UBE2V1: variants seen among roughly 807,000 people sequenced by gnomAD.
UBE2V1 encodes the protein ubiquitin-conjugating enzyme E2 variant 1.
A neutral mutation model predicts 19.6 loss-of-function variants in UBE2V1; 15 were observed. That is an observed-to-expected ratio of 0.77 (90% CI 0.51 to 1.18). The LOEUF is 1.18. UBE2V1 is among the 50% of genes most tolerant of loss of function. The pLI is 0.00. For missense variants in UBE2V1, 125 were observed against 184.8 expected, an observed-to-expected ratio of 0.68 and a Z score of 1.88; for synonymous variants, 60 against 60.7, an observed-to-expected ratio of 0.99 and a Z score of 0.05.
intron 2 of UBE2V1, among the ~76,000 whole-genome samples, chr20:50,090,473 C>CA (rs34134046): frequency 0.42 from 40,122 of 96,270 alleles, 6,293 homozygotes; most frequent in African/African-American, 0.52. Context: ...GACTCTGTCT[C>CA]AAAAAAAAAA....
rs1600935176 is a variant in UBE2V1, at chr20:50,082,869, A to G, written c.343T>C (p.Tyr115His). Residue 115 changes from tyrosine (Y) to histidine (H), a missense_variant, in exon 4 of 4, where the codon TAT becomes CAT. Coordinates refer to ENST00000371674, the MANE Select transcript of UBE2V1 (RefSeq NM_001032288.3). ...ISVLAKWQNS[Y>H]SIKVVLQELR... ...TCTTGCAGGACAACTTTGATGCTATATGAATTCTGCCATTTTGCTAGCACT... is the reference window on the plus strand; with the variant it reads ...TCTTGCAGGACAACTTTGATGCTATGTGAATTCTGCCATTTTGCTAGCACT... 3 of 1,612,388 alleles carry G rather than the reference A, an allele frequency of 1.9e-6. No individual in the cohort carries two copies. The highest frequency in any genetic ancestry group is 2.2e-5 in the East Asian group (1 of 44,888).
intron 2 of UBE2V1, chr20:50,084,891 CTTTTTTTTTTTTT>C (rs200222788): frequency 0.27 from 30,140 of 109,982 alleles, 3,330 homozygotes; most frequent in Middle Eastern, 0.5. Flanking sequence ...GAAAAGCAGT[CTTTTTTTTTTTTT>C]TTTTTTTTTG....
intron 1 of UBE2V1, among the ~76,000 whole-genome samples, chr20:50,106,883 A>AAAAAC (rs1569017345): frequency 5.3e-5 from 8 of 149,904 alleles, no homozygotes; most frequent in African/African-American, 2.0e-4. Flanking sequence ...ACAAAAAAAA[A>AAAAAC]AAAACAAAAA....
chr20:50,088,224 G>A (rs758764031), intron 2 of UBE2V1, among the ~76,000 whole-genome samples: 1 of 151,902 alleles, frequency 6.6e-6, no homozygotes, highest in Non-Finnish European at 1.5e-5. Flanking sequence ...TCATTGCCAC[G>A]AGGAGCCAGA....
chr20:50,083,974 C>A, intron 3 of UBE2V1, 155 bp downstream of exon 3: 1 of 1,203,322 alleles, frequency 8.3e-7, no homozygotes, highest in Non-Finnish European at 1.1e-6. Context: ...GGGAAACAGG[C>A]CCCATCCCAA....
intron 2 of UBE2V1, 131 bp from the exon 3 acceptor site, chr20:50,084,385 C>G: frequency 6.5e-7 from 1 of 1,550,134 alleles, no homozygotes; most frequent in South Asian, 1.1e-5. Flanking sequence ...TCTACTTGTT[C>G]TGTGGTAGGT....
In UBE2V1 at chr20:50,110,882, C is replaced by T. The variant is rs1452618122; in HGVS notation, c.22+2225G>A. Among the ~76,000 whole-genome samples, 4 of 152,212 alleles carry T rather than the reference C, an allele frequency of 2.6e-5. No individual in the cohort carries two copies. The East Asian group carries it at 7.7e-4, about 29-fold the overall frequency. ...TTTGCACTAACAGCCCACTCTCTCT[C>T]CTGCCTGTGACACTGTAGGGTTAGC... On this transcript the variant is annotated intron_variant, in intron 1 of 3. Transcript: ENST00000371674.
At chr20:50,084,989 C>T (rs1296146163) in intron 2 of UBE2V1, among the ~76,000 whole-genome samples, 6 of 151,400 alleles carry the variant, frequency 4.0e-5, no homozygotes, top group African/African-American at 7.3e-5. Context: ...CTCCGCCTCC[C>T]GGGTTCAAGT....
chr20:50,094,170 T>C (rs2079447857), intron 2 of UBE2V1, among the ~76,000 whole-genome samples: 1 of 102,654 alleles, frequency 9.7e-6, no homozygotes, highest in African/African-American at 4.1e-5. Flanking sequence ...TAATATATAT[T>C]ACATATCATA....
At chr20:50,112,915 G>A (rs1039187942) in intron 1 of UBE2V1, among the ~76,000 whole-genome samples, 192 bp downstream of exon 1, 4 of 152,038 alleles carry the variant, frequency 2.6e-5, no homozygotes, top group Non-Finnish European at 5.9e-5. Flanking sequence ...AGGCCCCTCA[G>A]CCCCCCGCCC....
chr20:50,115,563 C>CCT (rs2080985059), upstream of UBE2V1: 1 of 1,563,348 alleles, frequency 6.4e-7, no homozygotes, highest in East Asian at 2.3e-5. Flanking sequence ...GACGCTTGAA[C>CCT]CTCTCCTGGC....
chr20:50,106,867 AC>A (rs1248820568), intron 1 of UBE2V1, among the ~76,000 whole-genome samples: 46 of 94,536 alleles, frequency 4.9e-4, no homozygotes, highest in Non-Finnish European at 6.8e-4. Flanking sequence ...AACAACAACA[AC>A]AACAACAAAA....
Position 50,097,892 on chromosome 20 carries a change from C to T in UBE2V1, c.23-1072G>A, listed in dbSNP as rs80194066. Among the ~76,000 whole-genome samples, 953 of 152,230 alleles carry T rather than the reference C, an allele frequency of 6.3e-3. 19 individuals are homozygous for T. Among genetic ancestry groups the T allele is most frequent in the African/African-American group, 0.022 (906 of 41,532 alleles). On this transcript the variant is annotated intron_variant, in intron 1 of 3. Coordinates refer to ENST00000371674, the MANE Select transcript of UBE2V1 (RefSeq NM_001032288.3). ...TGTATTTCCCAAAGTGTAGGACACA[C>T]GCCATTAATTCAATTGGAATAAATA...
chr20:50,084,349 C>G (rs754359595), intron 2 of UBE2V1, 95 bp from the exon 3 acceptor site: 1 of 1,597,664 alleles, frequency 6.3e-7, no homozygotes, highest in South Asian at 1.1e-5. Context: ...GACTGTAGAA[C>G]TGGTACATCT....
At chr20:50,098,731 G>C (rs2079795507) in intron 1 of UBE2V1, among the ~76,000 whole-genome samples, 2 of 152,140 alleles carry the variant, frequency 1.3e-5, no homozygotes, top group South Asian at 4.1e-4. Context: ...AACTTATTTA[G>C]GGTAAGTAAT....
At chr20:50,113,812 A>T (rs57793104), upstream of UBE2V1, among the ~76,000 whole-genome samples, 34,159 of 126,740 alleles carry the variant, frequency 0.27, 4,016 homozygotes, top group African/African-American at 0.39. Flanking sequence ...CATTCATTCA[A>T]CCAAACAAAC....
chr20:50,087,595 A>C (rs1006146163), intron 2 of UBE2V1, among the ~76,000 whole-genome samples: 1 of 152,210 alleles, frequency 6.6e-6, no homozygotes, highest in Non-Finnish European at 1.5e-5. Flanking sequence ...TGATCATGAA[A>C]CAAACACTTT....
At chr20:50,113,851 C>T (rs1434871760), upstream of UBE2V1, among the ~76,000 whole-genome samples, 1 of 152,188 alleles carries the variant, frequency 6.6e-6, no homozygotes, top group African/African-American at 2.4e-5. Context: ...ATGTACCAGA[C>T]ACTGTGCTAG....
In UBE2V1 at chr20:50,082,579, T is replaced by C. The variant is rs1172293414; in HGVS notation, c.*189A>G. ...GGATGATTTGTTATAGCACAACTTA[T>C]ATATTTCAAATGGACAAAAAATTAG... On this transcript the variant is annotated 3_prime_UTR_variant, in exon 4 of 4. Coordinates refer to ENST00000371674, the MANE Select transcript of UBE2V1 (RefSeq NM_001032288.3). The C allele has an allele frequency of 4.6e-6, 5 of 1,084,642 alleles. No individual in the cohort carries two copies. Among genetic ancestry groups the C allele is most frequent in the South Asian group, 3.6e-5 (2 of 56,180 alleles). The allele number at this position is 1,084,642 out of a possible 1,614,324, so 67.2% of individuals were successfully genotyped here. A position where few individuals can be genotyped will look rare whatever the true frequency, so the allele number is the denominator to read the frequency against.
Sources: allele counts gnomAD v4.1 joint callset (sites outside exome capture counted in the v4.1 genomes callset), GRCh38; gene constraint gnomAD v4.1.1; transcripts MANE v1.5; gene names NCBI Gene and HGNC (gene_info 2026-07-23, HGNC 2026-07-21).